Variants in DOCK10 observed in about 807,000 individuals in gnomAD.
DOCK10 encodes the protein dedicator of cytokinesis 10, also known as dedicator of cytokinesis protein 10.
DOCK10 carries 145 observed loss-of-function variants against 280.1 expected under a neutral mutation model. The ratio of observed to expected loss-of-function variants is 0.52; its 90% CI spans 0.45 to 0.59. The LOEUF is 0.59. Ranked by LOEUF, DOCK10 falls within the 20% of genes least tolerant of loss-of-function variation. The pLI, the probability that DOCK10 is intolerant of heterozygous loss-of-function variation, is 0.00. For missense variants in DOCK10, 2,368 were observed against 2,651.7 expected, an observed-to-expected ratio of 0.89 and a Z score of 2.35; for synonymous variants, 915 against 942.2, an observed-to-expected ratio of 0.97 and a Z score of 0.53.
intron 6 of DOCK10, 56 bp from the exon 7 acceptor site, chr2:224,885,861 T>C (rs2125755838): frequency 1.9e-6 from 3 of 1,572,766 alleles, no homozygotes; most frequent in Middle Eastern, 2.3e-4. Context: ...CTATTACTCA[T>C]AGAAATTAGA....
At position 224,999,053 on chromosome 2, in the gene DOCK10, G is replaced by A. The variant is rs115427300; in HGVS notation, c.123+43199C>T. Among the ~76,000 whole-genome samples, 1,114 of 152,172 alleles carry A rather than the reference G, an allele frequency of 7.3e-3. 15 individuals are homozygous for A. Among genetic ancestry groups the A allele is most frequent in the African/African-American group, 0.025 (1,052 of 41,520 alleles). On this transcript the variant is annotated intron_variant, in intron 1 of 55. Transcript: ENST00000258390. ...AATACAAAAGTTAGCTGGGTGTGAT[G>A]GTATACACCTGTAGTCCCAGCTACT... is the stretch of plus-strand genomic sequence containing the variant.
At chr2:224,864,172 AT>A (rs1697713680) in intron 13 of DOCK10, among the ~76,000 whole-genome samples, 1 of 152,210 alleles carries the variant, frequency 6.6e-6, no homozygotes, top group Admixed American at 6.5e-5. Flanking sequence ...AGACATACAA[AT>A]TTGATAATTC....
At chr2:224,806,965 T>C (rs1693432302) in intron 33 of DOCK10, among the ~76,000 whole-genome samples, 1 of 152,154 alleles carries the variant, frequency 6.6e-6, no homozygotes, top group Non-Finnish European at 1.5e-5. Context: ...AAATGTTTTC[T>C]AGTACACAAT....
At chr2:224,783,488 A>C (rs1183797720) in intron 50 of DOCK10, among the ~76,000 whole-genome samples, 2 of 152,032 alleles carry the variant, frequency 1.3e-5, no homozygotes, top group Non-Finnish European at 2.9e-5. Context: ...GTTAGCCAGG[A>C]TGGTCTTCAT....
Position 224,834,130 on chromosome 2 carries a change from G to T in DOCK10, c.2964+20C>A. 7.0e-7 allele frequency: 1 copy of T among 1,428,126 alleles called. No individual in the cohort carries two copies. Among genetic ancestry groups the T allele is most frequent in the South Asian group, 1.1e-5 (1 of 87,080 alleles). 88.5% of individuals were successfully genotyped at this position (1,428,126 alleles called of 1,614,324 possible). A position where few individuals can be genotyped will look rare whatever the true frequency, so the allele number is the denominator to read the frequency against. ...CCATGCCTAGTACTCACAGTTAAAG[G>T]ACCATCTTTAAATTCTTACCTTTAG... On this transcript the variant is annotated intron_variant, in intron 26 of 55. Coordinates refer to ENST00000258390, the MANE Select transcript of DOCK10 (RefSeq NM_014689.3).
chr2:225,004,999 A>G (rs1706529672), intron 1 of DOCK10, among the ~76,000 whole-genome samples: 2 of 152,252 alleles, frequency 1.3e-5, no homozygotes, highest in South Asian at 4.1e-4. Context: ...AAATCTATAA[A>G]GAGCCTAAAA....
intron 1 of DOCK10, among the ~76,000 whole-genome samples, chr2:225,026,428 ACTGT>A (rs1281100050): frequency 2.6e-5 from 4 of 152,170 alleles, no homozygotes; most frequent in East Asian, 1.9e-4. Context: ...ATTGCAAAAC[ACTGT>A]CTGGGGAAGA....
At chr2:224,896,122 C>A (rs555910063) in intron 4 of DOCK10, among the ~76,000 whole-genome samples, 173 bp downstream of exon 4, 2 of 151,910 alleles carry the variant, frequency 1.3e-5, no homozygotes, top group Admixed American at 1.3e-4. Context: ...TGTGATGATG[C>A]AAACTACACA....
intron 1 of DOCK10, among the ~76,000 whole-genome samples, chr2:225,010,161 C>G (rs1689394102): frequency 6.6e-6 from 1 of 152,110 alleles, no homozygotes; most frequent in Non-Finnish European, 1.5e-5. Flanking sequence ...TTCCTTAAAT[C>G]TCATCTGCCA....
chr2:224,987,648 C>T (rs1254943650), intron 1 of DOCK10, among the ~76,000 whole-genome samples: 1 of 152,156 alleles, frequency 6.6e-6, no homozygotes, highest in Non-Finnish European at 1.5e-5. Flanking sequence ...AACCTAACAG[C>T]TTGTCCACAG....
At chr2:224,863,663 A>G (rs1244674969) in intron 13 of DOCK10, among the ~76,000 whole-genome samples, 1 of 152,186 alleles carries the variant, frequency 6.6e-6, no homozygotes, top group African/African-American at 2.4e-5. Flanking sequence ...CATGTTAGCC[A>G]GGATGGTCTC....
chr2:224,990,368 C>T (rs1431071555), intron 1 of DOCK10, among the ~76,000 whole-genome samples: 2 of 152,102 alleles, frequency 1.3e-5, no homozygotes, highest in Admixed American at 1.3e-4. Context: ...CCCTGTTGAG[C>T]TGTTTATTAA....
chr2:224,991,363 GA>G (rs1706122908), intron 1 of DOCK10, among the ~76,000 whole-genome samples: 2 of 152,188 alleles, frequency 1.3e-5, no homozygotes, highest in Admixed American at 6.5e-5. Context: ...TGGCTAATAA[GA>G]GTAAGAAGAA....
At chr2:224,884,947 C>A (rs1466701729) in intron 7 of DOCK10, among the ~76,000 whole-genome samples, 2 of 152,150 alleles carry the variant, frequency 1.3e-5, no homozygotes, top group Non-Finnish European at 2.9e-5. Flanking sequence ...ATATCTGAGA[C>A]TTGCCCCTGC....
chr2:225,033,730 G>A (rs889755171), intron 1 of DOCK10, among the ~76,000 whole-genome samples: 4 of 152,074 alleles, frequency 2.6e-5, no homozygotes, highest in Non-Finnish European at 1.5e-5. Flanking sequence ...CTTCAATGGC[G>A]GGGAGAAAAA....
intron 1 of DOCK10, chr2:224,982,512 C>G (rs1041807632): frequency 1.6e-6 from 2 of 1,225,046 alleles, no homozygotes. Flanking sequence ...ATCATCTGAT[C>G]ATGGCCAAAT....
intron 1 of DOCK10, among the ~76,000 whole-genome samples, chr2:225,040,379 G>A (rs1034503686): frequency 6.6e-6 from 1 of 152,140 alleles, no homozygotes; most frequent in Admixed American, 6.5e-5. Context: ...GTGCTGAAGC[G>A]AAGCAAGGGG....
intron 1 of DOCK10, among the ~76,000 whole-genome samples, chr2:224,991,806 C>T (rs1336573711): frequency 1.3e-5 from 2 of 152,188 alleles, no homozygotes; most frequent in Non-Finnish European, 2.9e-5. Flanking sequence ...TGGGACTAAT[C>T]CCCGTTCGGG....
At chr2:224,882,432 C>A (rs1356870497) in intron 7 of DOCK10, among the ~76,000 whole-genome samples, 1 of 151,736 alleles carries the variant, frequency 6.6e-6, no homozygotes, top group Non-Finnish European at 1.5e-5. Context: ...TTTTTTTGGC[C>A]AAGATTCAGG....
Sources: gnomAD v4.1 joint callset for allele counts (sites outside exome capture counted in the v4.1 genomes callset) on GRCh38, gnomAD v4.1.1 for gene constraint, MANE v1.5 for transcripts, NCBI Gene and HGNC (gene_info 2026-07-23, HGNC 2026-07-21) for gene names.